Variants in MARCHF4 observed in about 807,000 individuals in gnomAD.
MARCHF4 encodes membrane associated ring-CH-type finger 4.
A neutral mutation model predicts 43.9 loss-of-function variants in MARCHF4; 14 were observed. The observed-to-expected ratio is 0.32, with a 90% confidence interval of 0.21 to 0.50. The LOEUF (loss-of-function observed/expected upper bound fraction) is 0.50. Among genes scored for constraint, MARCHF4 ranks in the 20% least tolerant of loss-of-function variants. MARCHF4 has a pLI of 0.98. For synonymous variants in MARCHF4, 226 were observed against 213.3 expected, an observed-to-expected ratio of 1.06 and a Z score of -0.52; for missense variants, 468 against 536.7, an observed-to-expected ratio of 0.87 and a Z score of 1.27.
chr2:216,297,174 C>T (rs2105947673), intron 1 of MARCHF4, among the ~76,000 whole-genome samples: 1 of 152,334 alleles, frequency 6.6e-6, no homozygotes, highest in Non-Finnish European at 1.5e-5. Flanking sequence ...TAGCTTCTGT[C>T]ATCTTGGCAA....
At chr2:216,284,970 T>C (rs1283163827) in intron 1 of MARCHF4, among the ~76,000 whole-genome samples, 1 of 152,170 alleles carries the variant, frequency 6.6e-6, no homozygotes, top group East Asian at 1.9e-4. Context: ...TGCCTTATGC[T>C]GAGTGACTTG....
chr2:216,316,974 G>A (rs1283254467), intron 1 of MARCHF4, among the ~76,000 whole-genome samples: 1 of 152,116 alleles, frequency 6.6e-6, no homozygotes, highest in Non-Finnish European at 1.5e-5. Flanking sequence ...GACCAGCATG[G>A]GATGAGGTGG....
intron 1 of MARCHF4, among the ~76,000 whole-genome samples, chr2:216,297,545 C>T (rs1277423121): frequency 6.6e-6 from 1 of 152,164 alleles, no homozygotes; most frequent in African/African-American, 2.4e-5. Context: ...GCATTTCCCT[C>T]TTGTTGCCCA....
chr2:216,343,649 T>C (rs556781967), intron 1 of MARCHF4, among the ~76,000 whole-genome samples: 56 of 152,318 alleles, frequency 3.7e-4, no homozygotes, highest in African/African-American at 1.3e-3. Flanking sequence ...TCCAGCTTTA[T>C]ATGTGTATAT....
intron 1 of MARCHF4, among the ~76,000 whole-genome samples, chr2:216,334,429 C>A (rs1692127474): frequency 6.6e-6 from 1 of 151,524 alleles, no homozygotes; most frequent in Non-Finnish European, 1.5e-5. Context: ...TTTTTGGGGT[C>A]TTGCTCTGTT....
intron 1 of MARCHF4, among the ~76,000 whole-genome samples, chr2:216,359,705 C>T (rs983875546): frequency 5.3e-5 from 8 of 152,228 alleles, no homozygotes; most frequent in African/African-American, 1.9e-4. Flanking sequence ...CTGCTTGCTT[C>T]CTCCACTGTG....
At chr2:216,311,698 T>C (rs1035565410) in intron 1 of MARCHF4, among the ~76,000 whole-genome samples, 8 of 152,230 alleles carry the variant, frequency 5.3e-5, no homozygotes, top group African/African-American at 1.9e-4. Context: ...TTTATTATTA[T>C]TTTAAATTAC....
At chr2:216,366,104 C>A (rs1299825733) in intron 1 of MARCHF4, among the ~76,000 whole-genome samples, 1 of 152,160 alleles carries the variant, frequency 6.6e-6, no homozygotes, top group Non-Finnish European at 1.5e-5. Context: ...ATAGTAATAA[C>A]AATAACAAAA....
chr2:216,321,363 C>T (rs1691893348), intron 1 of MARCHF4, among the ~76,000 whole-genome samples: 1 of 152,002 alleles, frequency 6.6e-6, no homozygotes, highest in Admixed American at 6.5e-5. Flanking sequence ...TATGTATATC[C>T]ATAATATCTA....
chr2:216,279,130 G>A (rs1353536062), intron 2 of MARCHF4, among the ~76,000 whole-genome samples: 2 of 152,178 alleles, frequency 1.3e-5, no homozygotes, highest in Admixed American at 1.3e-4. Context: ...AGTGAGAGCC[G>A]GTGATAGGGG....
chr2:216,370,034 T>A lies in MARCHF4; in HGVS notation c.227A>T (p.Asn76Ile). The change falls in exon 1 of 4, where the codon AAC becomes ATC. Residue 76 changes from asparagine (N) to isoleucine (I), a missense_variant. Physicochemically the swap from Asn to Ile is moderately radical, Grantham distance 149. Coordinates refer to ENST00000273067, the MANE Select transcript of MARCHF4 (RefSeq NM_020814.3). ...GDPQPPGLAA[N>I]NTLPALGAGG... ...GGCGCCCAGAGCCGGAAGGGTGTTG[T>A]TGGCCGCCAAACCGGGGGGCTGGGG... 1.3e-6 allele frequency: 2 copies of A among 1,549,906 alleles called. No individual in the cohort carries two copies. The highest frequency in any genetic ancestry group is 8.7e-7 in the Non-Finnish European group (1 of 1,145,318).
At chr2:216,311,128 A>T (rs1350966071) in intron 1 of MARCHF4, among the ~76,000 whole-genome samples, 2 of 152,370 alleles carry the variant, frequency 1.3e-5, no homozygotes, top group East Asian at 3.9e-4. Context: ...AATAAACTTT[A>T]GAATCAAATT....
At chr2:216,314,165 G>A (rs1254747221) in intron 1 of MARCHF4, among the ~76,000 whole-genome samples, 2 of 152,180 alleles carry the variant, frequency 1.3e-5, no homozygotes, top group Non-Finnish European at 2.9e-5. Flanking sequence ...GATGGATTTA[G>A]CATGCAATGA....
At chr2:216,350,494 T>TC (rs1415248629) in intron 1 of MARCHF4, among the ~76,000 whole-genome samples, 5 of 148,348 alleles carry the variant, frequency 3.4e-5, no homozygotes, top group African/African-American at 1.3e-4. Context: ...CCACATAACC[T>TC]CATCATGCCA....
chr2:216,352,686 C>T (rs139766799), intron 1 of MARCHF4, among the ~76,000 whole-genome samples: 238 of 152,246 alleles, frequency 1.6e-3, no homozygotes, highest in African/African-American at 5.6e-3. Flanking sequence ...GCTCCTCCTT[C>T]GACCTGGAGC....
At position 216,283,481 on chromosome 2, in the gene MARCHF4, G is replaced by A. The variant is rs943576821; in HGVS notation, c.672+93C>T. The A allele has an allele frequency of 2.1e-6, 3 of 1,437,518 alleles. No homozygotes were observed. In the African/African-American group the frequency reaches 4.2e-5, roughly 20 times the overall value. The allele number at this position is 1,437,518 out of a possible 1,614,324, so 89.0% of individuals were successfully genotyped here. A position where few individuals can be genotyped will look rare whatever the true frequency, so the allele number is the denominator to read the frequency against. On this transcript the variant is annotated intron_variant, in intron 2 of 3. Transcript: ENST00000273067. ...CCATCTTCTTCCTTTTCCTCAAACT[G>A]CCCTGAATCTAAGGTGAAGTAAGCC... is the stretch of plus-strand genomic sequence containing the variant.
At chr2:216,307,370 G>A (rs1178076609) in intron 1 of MARCHF4, among the ~76,000 whole-genome samples, 1 of 152,104 alleles carries the variant, frequency 6.6e-6, no homozygotes, top group Non-Finnish European at 1.5e-5. Flanking sequence ...GGGAAGGAAA[G>A]GAAATGGAGG....
At chr2:216,368,643 G>T (rs1692704285) in intron 1 of MARCHF4, among the ~76,000 whole-genome samples, 2 of 152,190 alleles carry the variant, frequency 1.3e-5, no homozygotes, top group Non-Finnish European at 1.5e-5. Flanking sequence ...GCATCCTACT[G>T]CACTGCCACT....
rs1427011194 is a variant in MARCHF4, at chr2:216,372,040, C to T, written c.-1780G>A. ...TGGCCGAGGTGGGAGGCAGCCGGCA[C>T]TTGGCTCCAGCTTGGTCCTCGCGAC... On this transcript the variant is annotated 5_prime_UTR_variant, in exon 1 of 4. It adds an upstream start codon to the 5' untranslated region. Transcript: ENST00000273067. 6.6e-6 allele frequency: 1 copy of T among 152,286 alleles called. No individual in the cohort carries two copies. Among genetic ancestry groups the T allele is most frequent in the Non-Finnish European group, 1.5e-5 (1 of 68,216 alleles). 9.4% of individuals were successfully genotyped at this position (152,286 alleles called of 1,614,324 possible). A position where few individuals can be genotyped will look rare whatever the true frequency, so the allele number is the denominator to read the frequency against.
Sources: allele counts gnomAD v4.1 joint callset (sites outside exome capture counted in the v4.1 genomes callset), GRCh38; gene constraint gnomAD v4.1.1; transcripts MANE v1.5; gene names NCBI Gene and HGNC (gene_info 2026-07-23, HGNC 2026-07-21).